Variants in BCR observed in about 807,000 individuals in gnomAD.
The protein encoded by BCR is breakpoint cluster region protein.
A neutral mutation model predicts 138.6 loss-of-function variants in BCR; 58 were observed. That is an observed-to-expected ratio of 0.42 (90% confidence interval 0.34 to 0.52). The LOEUF (loss-of-function observed/expected upper bound fraction) is 0.52, where lower values mean the gene tolerates loss of function less well. Among genes scored for constraint, BCR ranks in the 20% least tolerant of loss-of-function variants. The probability of loss-of-function intolerance (pLI) is 0.06; values close to 1 mark genes in which losing one functional copy is unlikely to be tolerated. For missense variants in BCR, 1,599 were observed against 1,727.2 expected (o/e 0.93, Z 1.32); for synonymous variants, 786 against 730.1 (o/e 1.08, Z -1.23).
At chr22:23,226,536 A>G (rs993726170) in intron 1 of BCR, among the ~76,000 whole-genome samples, 10 of 152,206 alleles carry the variant, frequency 6.6e-5, no homozygotes, top group Admixed American at 5.9e-4. Flanking sequence ...GAAATGTATG[A>G]GGAAAGGATG....
In BCR at chr22:23,263,335, G is replaced by A. The variant is rs12483810; in HGVS notation, c.1752+1795G>A. The A allele has an allele frequency of 7.0e-3, 8,336 of 1,191,314 alleles. 444 individuals carry two copies. In the Admixed American group the frequency reaches 0.11, roughly 16 times the overall value. The allele number at this position is 1,191,314 out of a possible 1,614,324, so 73.8% of individuals were successfully genotyped here. The stretch of plus-strand genomic sequence containing the variant: ...TTCACCAACTGCGACCTGCTCCGGC[G>A]CCAGATAGCCTGGGCCTCGCTCAAC... On this transcript the variant is annotated intron_variant, in intron 4 of 22. Transcript: ENST00000305877.
chr22:23,279,294 G>A (rs1253033079), intron 8 of BCR, among the ~76,000 whole-genome samples: 1 of 152,222 alleles, frequency 6.6e-6, no homozygotes, highest in African/African-American at 2.4e-5. Context: ...CTTTCTTGGG[G>A]ACCAGAGAGT....
chr22:23,214,950 T>TA (rs2072734396), intron 1 of BCR, among the ~76,000 whole-genome samples: 2 of 152,206 alleles, frequency 1.3e-5, no homozygotes, highest in Admixed American at 6.5e-5. Context: ...TTCCCCAGAC[T>TA]GAAGGTCTGT....
chr22:23,270,433 T>C (rs933595046), intron 5 of BCR, among the ~76,000 whole-genome samples: 10 of 152,216 alleles, frequency 6.6e-5, no homozygotes, highest in African/African-American at 1.2e-4. Context: ...AGCATCACAC[T>C]GTCCACGGAC....
Position 23,253,810 on chromosome 22 carries a change from G to A in BCR, c.1291G>A (p.Gly431Arg), listed in dbSNP as rs760472511. 8.1e-6 allele frequency: 13 copies of A among 1,611,488 alleles called. No homozygotes were observed. The highest frequency in any genetic ancestry group is 4.4e-5 in the South Asian group (4 of 90,986). The change falls in exon 2 of 23, where the codon GGA becomes AGA. Residue 431 changes from glycine to arginine, a missense_variant. This residue lies in a region of BCR where 806 missense variants were observed against 635.0 expected (regional missense o/e 1.27). Transcript: ENST00000305877. ...AFHGDADGSF[G>R]TPPGYGCAAD... ...CTTTGCACACACAGATGGCTCGTTC[G>A]GAACACCACCTGGATACGGCTGCGC...
intron 1 of BCR, among the ~76,000 whole-genome samples, chr22:23,209,219 G>C (rs1326538446): frequency 6.6e-6 from 1 of 151,890 alleles, no homozygotes; most frequent in Non-Finnish European, 1.5e-5. Context: ...AATGAACCGG[G>C]TGTGGTGGCA....
At chr22:23,314,207 C>A in intron 21 of BCR, 134 bp downstream of exon 21, 1 of 728,022 alleles carries the variant, frequency 1.4e-6, no homozygotes, top group Non-Finnish European at 2.3e-6. Flanking sequence ...CTGCCTTTGG[C>A]GACTAGTGCC....
intron 1 of BCR, among the ~76,000 whole-genome samples, chr22:23,240,084 C>T (rs141426805): frequency 1.3e-5 from 2 of 151,700 alleles, no homozygotes; most frequent in African/African-American, 4.8e-5. Context: ...GCTGGGATTA[C>T]AGGCATGAGC....
chr22:23,290,484 G>T lies in BCR; in HGVS notation c.2782+71G>T. On this transcript the variant is annotated intron_variant, in intron 14 of 22. Coordinates refer to ENST00000305877, the MANE Select transcript of BCR (RefSeq NM_004327.4). ...TCTCCACCCAGGAAGGACTCATCGG[G>T]CAGGGTGTGGGGAAACAGGGAGGTT... 2.1e-6 allele frequency: 3 copies of T among 1,462,546 alleles called. No individual in the cohort carries two copies. The East Asian group carries it at 6.8e-5, about 33-fold the overall frequency. 90.6% of individuals were successfully genotyped at this position (1,462,546 alleles called of 1,614,324 possible).
chr22:23,298,455 C>T (rs565274666), intron 16 of BCR, among the ~76,000 whole-genome samples: 1 of 152,356 alleles, frequency 6.6e-6, no homozygotes, highest in African/African-American at 2.4e-5. Flanking sequence ...GTCACACCCC[C>T]ACCACACTCA....
chr22:23,275,983 C>T (rs1237919529), intron 8 of BCR, among the ~76,000 whole-genome samples: 1 of 152,132 alleles, frequency 6.6e-6, no homozygotes, highest in Non-Finnish European at 1.5e-5. Context: ...TTAAGGAAAA[C>T]GCGATGTTGT....
intron 8 of BCR, among the ~76,000 whole-genome samples, chr22:23,281,680 TG>T (rs1555882588): frequency 7.9e-5 from 7 of 88,450 alleles, no homozygotes; most frequent in Non-Finnish European, 1.7e-4. Context: ...CACAGGTGGG[TG>T]GGGGGTTGGG....
At chr22:23,289,685 T>C in intron 13 of BCR, 64 bp downstream of exon 13, 2 of 1,375,052 alleles carry the variant, frequency 1.5e-6, no homozygotes. Context: ...GCCTGAAGGC[T>C]GATCCCCCCT....
chr22:23,273,058 T>C (rs1323972066), intron 6 of BCR, 23 bp from the exon 7 acceptor site: 1 of 1,610,314 alleles, frequency 6.2e-7, no homozygotes, highest in Non-Finnish European at 8.5e-7. Flanking sequence ...GCAACCTCTC[T>C]CACCTCCCCT....
chr22:23,207,495 C>A (rs2072630939), intron 1 of BCR, among the ~76,000 whole-genome samples: 1 of 151,674 alleles, frequency 6.6e-6, no homozygotes, highest in Admixed American at 6.6e-5. Flanking sequence ...TTTTGGTGCA[C>A]ACCTGTAGTT....
At chr22:23,238,902 G>A (rs1164983073) in intron 1 of BCR, among the ~76,000 whole-genome samples, 2 of 111,476 alleles carry the variant, frequency 1.8e-5, no homozygotes, top group South Asian at 3.3e-4. Context: ...GGGTTGGTTC[G>A]AGTCTCAAAC....
chr22:23,187,626 A>G (rs760429970), intron 1 of BCR, among the ~76,000 whole-genome samples: 11 of 151,082 alleles, frequency 7.3e-5, no homozygotes, highest in Non-Finnish European at 1.5e-4. Flanking sequence ...GAGCCACCAC[A>G]CCCAGCCTCC....
chr22:23,313,672 T>C (rs1458918379), intron 20 of BCR, among the ~76,000 whole-genome samples: 2 of 152,156 alleles, frequency 1.3e-5, no homozygotes, highest in African/African-American at 4.8e-5. Context: ...GAGGGGGTGG[T>C]GGCAGGAGTT....
At chr22:23,284,980 C>T in intron 9 of BCR, 53 bp from the exon 10 acceptor site, 3 of 1,573,472 alleles carry the variant, frequency 1.9e-6, no homozygotes, top group Non-Finnish European at 2.6e-6. Flanking sequence ...GCAGTGACAT[C>T]AGCCATAGAA....
Sources: gnomAD v4.1 joint callset for allele counts (sites outside exome capture counted in the v4.1 genomes callset) on GRCh38, gnomAD v4.1.1 for gene constraint, gnomAD v4.1.1 regional missense constraint, MANE v1.5 for transcripts, NCBI Gene and HGNC (gene_info 2026-07-23, HGNC 2026-07-21) for gene names.